The following EPRS1 variants were observed in gnomAD, a reference collection of about 807,000 sequenced individuals.
EPRS1 encodes glutamyl-prolyl-tRNA synthetase 1, also known as bifunctional glutamate/proline--tRNA ligase.
In EPRS1, 107 loss-of-function variants were observed where a neutral mutation model predicts 188.3. That is an observed-to-expected ratio of 0.57 (90% CI 0.49 to 0.67). The LOEUF (loss-of-function observed/expected upper bound fraction) is 0.67, where lower values mean the gene tolerates loss of function less well. Ranked by LOEUF, EPRS1 falls within the 30% of genes least tolerant of loss-of-function variation. The probability of loss-of-function intolerance (pLI) is 0.00; values close to 1 mark genes in which losing one functional copy is unlikely to be tolerated. For synonymous variants in EPRS1, 596 were observed against 593.1 expected, an observed-to-expected ratio of 1.00 and a Z score of -0.07; for missense variants, 1,577 against 1,802.2, an observed-to-expected ratio of 0.88 and a Z score of 2.26.
chr1:220,010,844 C>A, intron 13 of EPRS1, 102 bp downstream of exon 13: 2 of 671,398 alleles, frequency 3.0e-6, no homozygotes, highest in South Asian at 1.8e-5. Flanking sequence ...GAAAGAAAAT[C>A]ATCTCAAAAT....
At position 220,040,237 on chromosome 1, in the gene EPRS1, C is replaced by A. The variant is rs199544775; in HGVS notation, c.79G>T (p.Asp27Tyr). The change falls in exon 2 of 32, where the codon GAT becomes TAT. Residue 27 changes from aspartate to tyrosine, a missense_variant. Around this residue, in one of 3 missense-constraint regions of EPRS1, gnomAD observed 1,278 missense variants for 1,457.4 expected, o/e 0.88. Transcript: ENST00000366923. The part of the protein sequence containing the change: ...ALLAVEHVKD[D>Y]VSISVEEGKE... ...CCTTCTTCAACGGAAATGCTGACAT[C>A]GTCTTTCACGTGTTCTACTGCCAGC... 6.2e-7 allele frequency: 1 copy of A among 1,609,178 alleles called. No homozygotes were observed.
intron 16 of EPRS1, among the ~76,000 whole-genome samples, chr1:220,002,648 C>T (rs553982788): frequency 4.6e-5 from 7 of 151,832 alleles, no homozygotes; most frequent in Non-Finnish European, 1.0e-4. Context: ...TCTCTTGAGC[C>T]GAGGAGTTCA....
intron 20 of EPRS1, among the ~76,000 whole-genome samples, chr1:219,985,333 TATAA>T (rs1379372032): frequency 1.3e-5 from 2 of 152,178 alleles, no homozygotes; most frequent in Admixed American, 6.5e-5. Context: ...AAACAATGGC[TATAA>T]ATACACACAC....
intron 5 of EPRS1, among the ~76,000 whole-genome samples, chr1:220,032,106 G>A (rs906078559): frequency 4.0e-5 from 6 of 151,286 alleles, no homozygotes; most frequent in African/African-American, 9.7e-5. Context: ...ATAGAGTCTC[G>A]CTCTGTTGCC....
At position 219,987,323 on chromosome 1, in the gene EPRS1, C is replaced by T; in HGVS notation, c.2857G>A (p.Val953Met). 6.2e-7 allele frequency: 1 copy of T among 1,613,978 alleles called. No homozygotes were observed. Among genetic ancestry groups the T allele is most frequent in the Non-Finnish European group, 8.5e-7 (1 of 1,179,922 alleles). Residue 953 changes from valine (V) to methionine (M), a missense_variant, in exon 20 of 32, where the codon GTG (valine) becomes ATG (methionine). Val to Met is a conservative substitution (Grantham distance 21). This residue lies in a region of EPRS1 where 1,278 missense variants were observed against 1,457.4 expected (regional missense o/e 0.88). Transcript: ENST00000366923. ...KSLIGVEYKP[V>M]SATGAEDKDK... ...TTGTCCTCAGCTCCAGTGGCCGACACAGGCTTATACTCTACTCCTATCAAA... is the reference window on the plus strand; with the variant it reads ...TTGTCCTCAGCTCCAGTGGCCGACATAGGCTTATACTCTACTCCTATCAAA...
chr1:220,014,628 G>A (rs951937411), intron 12 of EPRS1, among the ~76,000 whole-genome samples: 2 of 152,204 alleles, frequency 1.3e-5, no homozygotes, highest in Non-Finnish European at 2.9e-5. Context: ...CACACTTCAG[G>A]AAGGCGATTC....
chr1:220,010,580 C>T (rs555251138), intron 13 of EPRS1, among the ~76,000 whole-genome samples: 5 of 151,964 alleles, frequency 3.3e-5, no homozygotes, highest in African/African-American at 4.8e-5. Flanking sequence ...GGGAGGCCGA[C>T]GCAGGCAGAT....
chr1:220,016,134 G>A (rs112300193), intron 12 of EPRS1, among the ~76,000 whole-genome samples: 62 of 151,882 alleles, frequency 4.1e-4, no homozygotes, highest in African/African-American at 1.5e-3. Context: ...TCACGAGGTC[G>A]GGAGTTCGAG....
intron 18 of EPRS1, among the ~76,000 whole-genome samples, chr1:219,995,069 A>G (rs1461614606): frequency 6.6e-6 from 1 of 152,220 alleles, no homozygotes; most frequent in Non-Finnish European, 1.5e-5. Flanking sequence ...TGAAACACAG[A>G]CATGGTATAC....
chr1:219,989,935 C>T (rs1246806905), intron 18 of EPRS1, among the ~76,000 whole-genome samples: 1 of 151,742 alleles, frequency 6.6e-6, no homozygotes, highest in Non-Finnish European at 1.5e-5. Flanking sequence ...GTTAATCAGA[C>T]ATATGAGAAT....
chr1:219,987,210 A>G lies in EPRS1; in HGVS notation c.2970T>C (p.Ser990=), dbSNP rs749547907. 1 of 1,614,104 alleles carries G rather than the reference A, an allele frequency of 6.2e-7. No homozygotes were observed. The highest frequency in any genetic ancestry group is 1.1e-5 in the South Asian group (1 of 91,070). ...ATGAGAGCCCACCTCCTTGGTTTTTAGAAGGGTCTTTCCTTTGGCCATCAT... is the reference window on the plus strand; with the variant it reads ...ATGAGAGCCCACCTCCTTGGTTTTTGGAAGGGTCTTTCCTTTGGCCATCAT... ...KQNDGQRKDP[S]KNQGGGLSSS... The change falls in exon 20 of 32, where the codon TCT becomes TCC. Residue 990 remains serine, a synonymous_variant. Transcript: ENST00000366923.
chr1:220,004,518 T>C (rs1661420865), intron 16 of EPRS1, among the ~76,000 whole-genome samples: 1 of 152,050 alleles, frequency 6.6e-6, no homozygotes, highest in South Asian at 2.1e-4. Flanking sequence ...GAGCAGTGGA[T>C]CCACAGAGAT....
At chr1:219,991,787 C>T (rs557358975) in intron 18 of EPRS1, among the ~76,000 whole-genome samples, 271 of 152,184 alleles carry the variant, frequency 1.8e-3, no homozygotes, top group Middle Eastern at 3.4e-3. Flanking sequence ...TGGGCTGATT[C>T]GTTTACCTAA....
Position 220,018,491 on chromosome 1 carries a change from G to T in EPRS1, c.1452C>A (p.Val484=). ...FIAAQGSSRS[V]VNMEWDKIWA... Reference sequence around the variant, plus strand: ...AGATTTTGTCCCACTCCATGTTCACGACTGAACGTGAGGAGCCCTAAAAAA... The same window carrying T: ...AGATTTTGTCCCACTCCATGTTCACTACTGAACGTGAGGAGCCCTAAAAAA... Residue 484 remains valine (V), a synonymous_variant, in exon 12 of 32, where the codon GTC becomes GTA. Coordinates refer to ENST00000366923, the MANE Select transcript of EPRS1 (RefSeq NM_004446.3). The T allele has an allele frequency of 6.2e-7, 1 of 1,610,258 alleles. No individual in the cohort carries two copies. The highest frequency in any genetic ancestry group is 1.8e-4 in the Middle Eastern group (1 of 5,502).
chr1:220,033,458 ATATT>A, intron 4 of EPRS1, 40 bp downstream of exon 4: 1 of 1,429,986 alleles, frequency 7.0e-7, no homozygotes, highest in Non-Finnish European at 9.6e-7. Context: ...ATCCAGCAAA[ATATT>A]AAACGATTAA....
At position 220,005,310 on chromosome 1, in the gene EPRS1, TC is replaced by T; in HGVS notation, c.2000del (p.Gly667GlufsTer33). ...GDPCLKDLKK[G>X]DIIQLQRRGF... The stretch of plus-strand genomic sequence containing the variant: ...CTCTTCTCTGGAGTTGTATAATATC[TC>T]CTTTTTTCAAATCCTTAAGGCAGGG... On this transcript the variant is annotated frameshift_variant, in exon 16 of 32. Coordinates refer to ENST00000366923, the MANE Select transcript of EPRS1 (RefSeq NM_004446.3). LOFTEE classifies it high-confidence loss of function. The T allele has an allele frequency of 6.2e-7, 1 of 1,601,484 alleles. No homozygotes were observed. Among genetic ancestry groups the T allele is most frequent in the South Asian group, 1.1e-5 (1 of 88,030 alleles).
chr1:219,975,628 G>A (rs560425457), intron 28 of EPRS1, among the ~76,000 whole-genome samples: 1 of 152,168 alleles, frequency 6.6e-6, no homozygotes, highest in South Asian at 2.1e-4. Context: ...GCAGAGACAG[G>A]GTTTCACCAT....
At chr1:220,024,969 G>T in intron 7 of EPRS1, 163 bp downstream of exon 7, 1 of 656,780 alleles carries the variant, frequency 1.5e-6, no homozygotes. Context: ...TTTTGGTATG[G>T]GAGCTCGACA....
chr1:220,005,242 A>G lies in EPRS1; in HGVS notation c.2063+6T>C. On this transcript the variant is annotated splice_donor_region_variant and intron_variant, in intron 16 of 31. Coordinates refer to ENST00000366923, the MANE Select transcript of EPRS1 (RefSeq NM_004446.3). ...TTCATTTAGACGTTCAGTTACATTT[A>G]CTTACCTAACAGGTTCATAAGGTTG... The G allele has an allele frequency of 7.7e-7, 1 of 1,293,648 alleles. No homozygotes were observed. Among genetic ancestry groups the G allele is most frequent in the East Asian group, 2.4e-5 (1 of 40,898 alleles). 80.1% of individuals were successfully genotyped at this position (1,293,648 alleles called of 1,614,324 possible).
Sources: gnomAD v4.1 joint callset for allele counts (sites outside exome capture counted in the v4.1 genomes callset) on GRCh38, gnomAD v4.1.1 for gene constraint, gnomAD v4.1.1 regional missense constraint, MANE v1.5 for transcripts, NCBI Gene and HGNC (gene_info 2026-07-23, HGNC 2026-07-21) for gene names.